Variants in TIAM1 observed in about 807,000 individuals in gnomAD.
The protein encoded by TIAM1 is TIAM Rac1 associated GEF 1.
In TIAM1, 65 loss-of-function variants were observed where a neutral mutation model predicts 163.5. The observed-to-expected ratio is 0.40, with a 90% CI of 0.33 to 0.49. The LOEUF is 0.49. TIAM1 is among the 20% of genes least tolerant of loss of function. The pLI, the probability that TIAM1 is intolerant of heterozygous loss-of-function variation, is 0.77. For synonymous variants in TIAM1, 833 were observed against 810.1 expected (o/e 1.03, Z -0.48); for missense variants, 1,789 against 2,044.7 (o/e 0.87, Z 2.41).
At chr21:31,130,543 G>C (rs2082376866) in intron 24 of TIAM1, among the ~76,000 whole-genome samples, 1 of 152,146 alleles carries the variant, frequency 6.6e-6, no homozygotes, top group Non-Finnish European at 1.5e-5. Flanking sequence ...GCAGTGAAGA[G>C]AGACACACAG....
chr21:31,307,237 T>G (rs143151456), intron 2 of TIAM1, among the ~76,000 whole-genome samples: 139 of 152,326 alleles, frequency 9.1e-4, no homozygotes, highest in African/African-American at 3.1e-3. Flanking sequence ...CAAAAGGCCC[T>G]TTAGCCACAT....
chr21:31,284,659 C>G (rs2073721637), intron 2 of TIAM1, among the ~76,000 whole-genome samples: 1 of 152,150 alleles, frequency 6.6e-6, no homozygotes, highest in Non-Finnish European at 1.5e-5. Flanking sequence ...GCTGGGACTA[C>G]AGGCATGTGC....
intron 2 of TIAM1, among the ~76,000 whole-genome samples, chr21:31,366,262 CA>C (rs1253208710): frequency 1.3e-5 from 2 of 152,088 alleles, no homozygotes; most frequent in Non-Finnish European, 2.9e-5. Context: ...CACCCTTTGC[CA>C]AAAGCAACTC....
chr21:31,318,446 A>G (rs1479849246), intron 2 of TIAM1, among the ~76,000 whole-genome samples: 1 of 152,202 alleles, frequency 6.6e-6, no homozygotes, highest in Non-Finnish European at 1.5e-5. Flanking sequence ...TTCCAAAATA[A>G]CAAATATCAA....
In TIAM1 at chr21:31,275,081, C is replaced by T. The variant is rs969249421; in HGVS notation, c.-12+1651G>A. On this transcript the variant is annotated intron_variant, in intron 3 of 27. Transcript: ENST00000541036. Reference sequence around the variant, plus strand: ...AGACTGCAGTGAGCCGAGATTGCACCATTGCACTCCAGCCTGGGTGACAGA... The same window carrying T: ...AGACTGCAGTGAGCCGAGATTGCACTATTGCACTCCAGCCTGGGTGACAGA... Among the ~76,000 whole-genome samples, 102 of 150,596 alleles carry T rather than the reference C, an allele frequency of 6.8e-4. 1 individual carries two copies. The highest frequency in any genetic ancestry group is 2.5e-3 in the African/African-American group (101 of 40,822).
Position 31,250,598 on chromosome 21 carries a change from C to T in TIAM1, c.1411+1144G>A, listed in dbSNP as rs115793634. On this transcript the variant is annotated intron_variant, in intron 5 of 27. Transcript: ENST00000541036. ...ACAGTCTGTGAAATCCAGTATCGAA[C>T]GGTCTAGTTTGATACTGATAAGCCC... 8.0e-3 allele frequency among the ~76,000 whole-genome samples: 1,211 copies of T among 152,300 alleles called. 15 individuals carry two copies. The highest frequency in any genetic ancestry group is 0.026 in the African/African-American group (1,101 of 41,554).
At chr21:31,172,389 G>A (rs949002059) in intron 15 of TIAM1, among the ~76,000 whole-genome samples, 3 of 152,134 alleles carry the variant, frequency 2.0e-5, no homozygotes, top group African/African-American at 7.2e-5. Context: ...TAGTAGGTGA[G>A]CGGCTTTCCC....
intron 27 of TIAM1, among the ~76,000 whole-genome samples, chr21:31,122,920 A>T (rs1442624587): frequency 6.6e-6 from 1 of 152,218 alleles, no homozygotes; most frequent in Non-Finnish European, 1.5e-5. Context: ...TGATCTACTC[A>T]GGCACCATTT....
In TIAM1 at chr21:31,276,041, G is replaced by A. The variant is rs117409112; in HGVS notation, c.-12+691C>T. Among the ~76,000 whole-genome samples the A allele has an allele frequency of 5.0e-3, 764 of 152,174 alleles. 9 individuals carry two copies. Among genetic ancestry groups the A allele is most frequent in the Non-Finnish European group, 8.6e-3 (584 of 68,014 alleles). On this transcript the variant is annotated intron_variant, in intron 3 of 27. Transcript: ENST00000541036. Reference sequence around the variant, plus strand: ...TTTATTTCTAAGTTAAATTTGAAGCGAAATCACAAGACAACAGATTGCAAA... The same window carrying A: ...TTTATTTCTAAGTTAAATTTGAAGCAAAATCACAAGACAACAGATTGCAAA...
intron 2 of TIAM1, among the ~76,000 whole-genome samples, chr21:31,374,787 G>A (rs138417516): frequency 2.0e-4 from 31 of 152,242 alleles, no homozygotes; most frequent in Middle Eastern, 3.4e-3. Flanking sequence ...GGACCAAAGC[G>A]ACAACTAGCC....
chr21:31,452,698 TA>T (rs2044912758), intron 2 of TIAM1: 1 of 443,168 alleles, frequency 2.3e-6, no homozygotes, highest in Non-Finnish European at 4.3e-6. Flanking sequence ...CCATTTTCCA[TA>T]AGACTCAAAA....
chr21:31,306,385 G>A (rs2146971941), intron 2 of TIAM1, among the ~76,000 whole-genome samples: 1 of 152,252 alleles, frequency 6.6e-6, no homozygotes, highest in African/African-American at 2.4e-5. Flanking sequence ...TTGGAAATCT[G>A]ATGAGAAAGA....
chr21:31,335,401 T>C (rs1476780580), intron 2 of TIAM1, among the ~76,000 whole-genome samples: 1 of 152,062 alleles, frequency 6.6e-6, no homozygotes, highest in Non-Finnish European at 1.5e-5. Flanking sequence ...TTGGCTAATG[T>C]AGAAAAGATT....
chr21:31,221,011 C>A (rs1266189702), intron 8 of TIAM1, among the ~76,000 whole-genome samples: 1 of 152,076 alleles, frequency 6.6e-6, no homozygotes, highest in East Asian at 1.9e-4. Context: ...GCCCTGTTAC[C>A]CTCACACCTC....
At chr21:31,302,031 A>G (rs372290889) in intron 2 of TIAM1, among the ~76,000 whole-genome samples, 4 of 151,678 alleles carry the variant, frequency 2.6e-5, no homozygotes, top group African/African-American at 9.7e-5. Flanking sequence ...ATAGCCTGCA[A>G]TGCTATCCAG....
chr21:31,118,808 G>A lies in TIAM1; in HGVS notation c.*1560C>T, dbSNP rs371322053. 3.6e-5 allele frequency: 13 copies of A among 360,458 alleles called. No individual in the cohort carries two copies. The highest frequency in any genetic ancestry group is 2.8e-4 in the Admixed American group (7 of 25,074). 22.3% of individuals were successfully genotyped at this position (360,458 alleles called of 1,614,324 possible). ...ATAAAACTTTCAAAAGATCAAGCTC[G>A]AAGCCCTGGAAACCCGAAAGGCGGG... On this transcript the variant is annotated 3_prime_UTR_variant, in exon 28 of 28. Transcript: ENST00000541036.
intron 9 of TIAM1, among the ~76,000 whole-genome samples, chr21:31,215,248 TC>T (rs1453628367): frequency 1.3e-5 from 2 of 151,986 alleles, no homozygotes; most frequent in African/African-American, 4.8e-5. Flanking sequence ...CTGAGCCATC[TC>T]TCAGGGCAGA....
chr21:31,344,956 T>C (rs544728280), upstream of TIAM1, among the ~76,000 whole-genome samples: 1 of 152,260 alleles, frequency 6.6e-6, no homozygotes, highest in African/African-American at 2.4e-5. Flanking sequence ...TCTAAAAATG[T>C]GAAAGGGAAC....
intron 2 of TIAM1, among the ~76,000 whole-genome samples, chr21:31,456,353 C>A (rs2045100712): frequency 6.6e-6 from 1 of 152,184 alleles, no homozygotes; most frequent in South Asian, 2.1e-4. Context: ...CTGGCGGAAC[C>A]CAGGACCAGG....
Sources: allele counts gnomAD v4.1 joint callset (sites outside exome capture counted in the v4.1 genomes callset), GRCh38; gene constraint gnomAD v4.1.1; transcripts MANE v1.5; gene names NCBI Gene and HGNC (gene_info 2026-07-23, HGNC 2026-07-21).